NUTM2G: variants seen among roughly 807,000 people sequenced by gnomAD.
The protein encoded by NUTM2G is family with sequence similarity 22, member G.
NUTM2G carries 29 observed loss-of-function variants against 44.3 expected under a neutral mutation model. The ratio of observed to expected loss-of-function variants is 0.66; its 90% confidence interval spans 0.49 to 0.89. NUTM2G has a LOEUF of 0.89. Ranked by LOEUF, NUTM2G falls within the 40% of genes least tolerant of loss-of-function variation. NUTM2G has a pLI of 0.00. For missense variants in NUTM2G, 502 were observed against 946.5 expected (o/e 0.53, Z 6.16); for synonymous variants, 205 against 395.9 (o/e 0.52, Z 5.72).
chr9:96,932,895 C>T (rs535522009), intron 2 of NUTM2G, among the ~76,000 whole-genome samples: 4 of 151,886 alleles, frequency 2.6e-5, no homozygotes, highest in South Asian at 2.1e-4. Flanking sequence ...TTGATCTGCC[C>T]GCCTCAGCCT....
At chr9:96,931,692 C>T (rs1286950580) in intron 1 of NUTM2G, 30 bp from the exon 2 acceptor site, 1 of 1,609,814 alleles carries the variant, frequency 6.2e-7, no homozygotes, top group African/African-American at 1.3e-5. Context: ...GAGACGCCAG[C>T]TCATTCACCT....
At chr9:96,932,581 G>C (rs1564031410) in intron 2 of NUTM2G, among the ~76,000 whole-genome samples, 163 bp downstream of exon 2, 1 of 152,244 alleles carries the variant, frequency 6.6e-6, no homozygotes, top group Non-Finnish European at 1.5e-5. Context: ...ATCTGGCTGT[G>C]GCTCAGGACA....
intron 1 of NUTM2G, among the ~76,000 whole-genome samples, chr9:96,931,135 G>A (rs1376859617): frequency 2.6e-5 from 4 of 151,972 alleles, no homozygotes; most frequent in African/African-American, 7.3e-5. Flanking sequence ...TGATCCACCC[G>A]CCTGGGCCTC....
intron 2 of NUTM2G, among the ~76,000 whole-genome samples, chr9:96,933,217 A>C (rs1334421479): frequency 6.7e-6 from 1 of 150,246 alleles, no homozygotes; most frequent in Non-Finnish European, 1.5e-5. Context: ...TGCCCTGGTG[A>C]TTCTCCCGCC....
chr9:96,937,457 C>G lies in NUTM2G; in HGVS notation c.1323+53C>G, dbSNP rs1826472914. On this transcript the variant is annotated intron_variant, in intron 5 of 6. Transcript: ENST00000372322. ...GTAGGATTCCAGGGGGTGGCACTTC[C>G]AGGTCCTTGGAATTAAGCTCTGTTC... 2.0e-5 allele frequency: 31 copies of G among 1,539,222 alleles called. No individual in the cohort carries two copies. In the South Asian group the frequency reaches 3.2e-4, roughly 16 times the overall value.
chr9:96,936,948 G>C (rs1043670678), intron 4 of NUTM2G, 116 bp from the exon 5 acceptor site: 2 of 1,352,090 alleles, frequency 1.5e-6, no homozygotes, highest in African/African-American at 2.9e-5. Flanking sequence ...CTGTGGTTCA[G>C]GTGGTCCTGA....
intron 2 of NUTM2G, among the ~76,000 whole-genome samples, chr9:96,935,097 ACAT>A: frequency 6.6e-6 from 1 of 152,202 alleles, no homozygotes; most frequent in Non-Finnish European, 1.5e-5. Flanking sequence ...TCACTTGTCA[ACAT>A]CATAACACCG....
chr9:96,937,623 CTG>C (rs1224899151), intron 5 of NUTM2G, among the ~76,000 whole-genome samples: 17 of 151,994 alleles, frequency 1.1e-4, no homozygotes, highest in East Asian at 3.9e-4. Context: ...GGGTGTGAGT[CTG>C]GAGTGTGTAT....
chr9:96,937,251 G>C lies in NUTM2G; in HGVS notation c.1170G>C (p.Leu390=). The change falls in exon 5 of 7, where the codon CTG becomes CTC. Residue 390 remains leucine (L), a synonymous_variant. Coordinates refer to ENST00000372322, the MANE Select transcript of NUTM2G (RefSeq NM_001170741.3). ...VQEYVDIMEE[L]LGSHPGDTGE... Reference sequence around the variant, plus strand: ...AGTATGTGGACATCATGGAGGAGCTGCTGGGGTCTCACCCTGGGGACACAG... The same window carrying C: ...AGTATGTGGACATCATGGAGGAGCTCCTGGGGTCTCACCCTGGGGACACAG... The C allele has an allele frequency of 6.2e-7, 1 of 1,613,476 alleles. No homozygotes were observed. Among genetic ancestry groups the C allele is most frequent in the Non-Finnish European group, 8.5e-7 (1 of 1,179,850 alleles).
intron 2 of NUTM2G, among the ~76,000 whole-genome samples, chr9:96,932,790 T>C (rs1243721477): frequency 6.6e-6 from 1 of 151,738 alleles, no homozygotes; most frequent in African/African-American, 2.4e-5. Flanking sequence ...GTAGTTGGGA[T>C]TACAGGCATG....
At chr9:96,930,458 A>G (rs1011384330) in intron 1 of NUTM2G, among the ~76,000 whole-genome samples, 1 of 148,332 alleles carries the variant, frequency 6.7e-6, no homozygotes, top group Non-Finnish European at 1.5e-5. Context: ...TGGGAGGCAG[A>G]GGTTGCAGTG....
At chr9:96,940,472 GCC>G (rs540694208), downstream of NUTM2G, among the ~76,000 whole-genome samples, 695 of 150,160 alleles carry the variant, frequency 4.6e-3, no homozygotes, top group Non-Finnish European at 6.0e-3. Flanking sequence ...GCCGACCTCT[GCC>G]CCCCTTACCC....
In NUTM2G at chr9:96,936,511, C is replaced by T. The variant is rs201549949; in HGVS notation, c.929C>T (p.Pro310Leu). 3,236 of 1,550,878 alleles carry T rather than the reference C, an allele frequency of 2.1e-3. 7 individuals are homozygous for T. The highest frequency in any genetic ancestry group is 2.3e-3 in the Non-Finnish European group (2,644 of 1,155,698). ...CCCCAGAGCCTGCCTCCTCCAGCCC[C>T]GCCGAGGCTTGAACCTCGAGGACCC... ...KGPQSLPPPAPPRLEPRGPPA... is the reference protein window; with the variant it reads ...KGPQSLPPPALPRLEPRGPPA... Residue 310 changes from proline (P) to leucine (L), a missense_variant, in exon 4 of 7, where the codon CCG becomes CTG. Transcript: ENST00000372322.
chr9:96,931,595 G>C lies in NUTM2G; in HGVS notation c.17-127G>C, dbSNP rs915710508. 10 of 795,252 alleles carry C rather than the reference G, an allele frequency of 1.3e-5. No homozygotes were observed. The African/African-American group carries it at 1.4e-4, about 11-fold the overall frequency. 49.3% of individuals were successfully genotyped at this position (795,252 alleles called of 1,614,324 possible). A position where few individuals can be genotyped will look rare whatever the true frequency, so the allele number is the denominator to read the frequency against. ...GAACAGAGCATCTGATGCACACTCA[G>C]GGACACTTGCAAGCTGCAGAGTTTC... On this transcript the variant is annotated intron_variant, in intron 1 of 6. Transcript: ENST00000372322.
rs1033708147 is a variant in NUTM2G, at chr9:96,929,260, C to T, written c.16+220C>T. Among the ~76,000 whole-genome samples the T allele has an allele frequency of 7.9e-5, 12 of 152,132 alleles. No individual in the cohort carries two copies. The East Asian group carries it at 1.6e-3, about 20-fold the overall frequency. ...GACCAAGATGCCTGGGGGAATACAC[C>T]GTGTAGTGGAAAGGATGGAGAGGAT... is the stretch of plus-strand genomic sequence containing the variant. On this transcript the variant is annotated intron_variant, in intron 1 of 6. Coordinates refer to ENST00000372322, the MANE Select transcript of NUTM2G (RefSeq NM_001170741.3).
downstream of NUTM2G, chr9:96,940,120 C>CG (rs1336824936): frequency 7.4e-6 from 1 of 135,282 alleles, no homozygotes; most frequent in Non-Finnish European, 1.5e-5. Context: ...CCATCACCAA[C>CG]GGGAACAAGC....
chr9:96,940,892 C>T (rs1826574833), downstream of NUTM2G, among the ~76,000 whole-genome samples: 1 of 152,238 alleles, frequency 6.6e-6, no homozygotes, highest in Non-Finnish European at 1.5e-5. Flanking sequence ...CCGCTTTCGC[C>T]TTTGGGAAGG....
chr9:96,935,889 A>G (rs1276156039), intron 3 of NUTM2G, among the ~76,000 whole-genome samples: 1 of 151,710 alleles, frequency 6.6e-6, no homozygotes, highest in African/African-American at 2.4e-5. Flanking sequence ...TGTACCTGGG[A>G]CACCATGAGA....
intron 1 of NUTM2G, among the ~76,000 whole-genome samples, chr9:96,930,857 A>G (rs1826216043): frequency 8.7e-6 from 1 of 115,422 alleles, no homozygotes; most frequent in Non-Finnish European, 1.7e-5. Context: ...GGCTTGGGCG[A>G]GTTTCCATCC....
Sources: allele counts gnomAD v4.1 joint callset (sites outside exome capture counted in the v4.1 genomes callset), GRCh38; gene constraint gnomAD v4.1.1; transcripts MANE v1.5; gene names NCBI Gene and HGNC (gene_info 2026-07-23, HGNC 2026-07-21).